CACNG6: variants seen among roughly 807,000 people sequenced by gnomAD.
CACNG6 encodes the protein calcium voltage-gated channel auxiliary subunit gamma 6, also known as voltage-dependent calcium channel gamma-6 subunit.
Under a neutral mutation model 23.9 loss-of-function variants are expected in CACNG6, and 21 were observed. That is an observed-to-expected ratio of 0.88 (90% CI 0.62 to 1.26). The LOEUF is 1.26. Ranked by LOEUF, CACNG6 falls within the 50% of genes most tolerant of loss-of-function variation. The pLI, the probability that CACNG6 is intolerant of heterozygous loss-of-function variation, is 0.00. For missense variants in CACNG6, 340 were observed against 352.9 expected, an observed-to-expected ratio of 0.96 and a Z score of 0.29; for synonymous variants, 182 against 168.9, an observed-to-expected ratio of 1.08 and a Z score of -0.60.
intron 3 of CACNG6, among the ~76,000 whole-genome samples, chr19:54,009,147 G>A (rs1448611110): frequency 6.6e-6 from 1 of 152,130 alleles, no homozygotes; most frequent in Non-Finnish European, 1.5e-5. Flanking sequence ...AAATTGCCGG[G>A]CGCGGTGGCT....
chr19:54,011,448 A>C (rs56226231), intron 3 of CACNG6, among the ~76,000 whole-genome samples: 15 of 137,792 alleles, frequency 1.1e-4, no homozygotes, highest in East Asian at 2.1e-4. Flanking sequence ...AAAAAAAAAA[A>C]AAAAACAAAA....
intron 3 of CACNG6, among the ~76,000 whole-genome samples, chr19:54,006,967 T>C (rs950374708): frequency 2.0e-5 from 3 of 151,964 alleles, no homozygotes; most frequent in African/African-American, 4.8e-5. Context: ...TTTTATCTCA[T>C]AAGGACACCA....
chr19:53,996,397 C>CTT (rs200138254), intron 1 of CACNG6, among the ~76,000 whole-genome samples: 9 of 112,172 alleles, frequency 8.0e-5, no homozygotes, highest in Admixed American at 1.0e-4. Flanking sequence ...TTCTCTCTCT[C>CTT]TCTTTTTTTT....
Position 54,003,630 on chromosome 19 carries a change from G to A in CACNG6, c.544+3859G>A, listed in dbSNP as rs148184284. ...CCTGCCTTGGCCTCCGAAAGTGCTG[G>A]GATTACAGGCATGAGCCACCCTGCC... On this transcript the variant is annotated intron_variant, in intron 3 of 3. Transcript: ENST00000252729. Among the ~76,000 whole-genome samples, 555 of 152,160 alleles carry A rather than the reference G, an allele frequency of 3.6e-3. 3 individuals are homozygous for A. The highest frequency in any genetic ancestry group is 0.017 in the Middle Eastern group (5 of 294).
intron 1 of CACNG6, among the ~76,000 whole-genome samples, chr19:53,993,998 C>T (rs1255924585): frequency 6.6e-6 from 1 of 151,998 alleles, no homozygotes; most frequent in East Asian, 1.9e-4. Flanking sequence ...CCTGTGCCCA[C>T]CCCAGACAGC....
chr19:54,004,683 C>A (rs1252072163), intron 3 of CACNG6, among the ~76,000 whole-genome samples: 6 of 152,146 alleles, frequency 3.9e-5, no homozygotes, highest in Non-Finnish European at 7.3e-5. Flanking sequence ...GCTCCGGCCA[C>A]GCCAGCCTCT....
chr19:54,009,562 G>T (rs2069682225), intron 3 of CACNG6, among the ~76,000 whole-genome samples: 1 of 152,090 alleles, frequency 6.6e-6, no homozygotes, highest in African/African-American at 2.4e-5. Flanking sequence ...GCTGCAATGA[G>T]CTGAGATCAT....
At chr19:54,005,010 G>C (rs1453389677) in intron 3 of CACNG6, among the ~76,000 whole-genome samples, 1 of 149,352 alleles carries the variant, frequency 6.7e-6, no homozygotes, top group Non-Finnish European at 1.5e-5. Flanking sequence ...AGGAGTTGGA[G>C]ACCAGCCTGA....
At chr19:54,009,356 GGTTGCAGTGAGCTGAGATCATGTCACTGC>G (rs199993983) in intron 3 of CACNG6, among the ~76,000 whole-genome samples, 12,044 of 150,708 alleles carry the variant, frequency 0.08, 641 homozygotes, top group Non-Finnish European at 0.11. Context: ...GGGAGGTGGA[GGTTGCAGTGAGCTGAGATCATGTCACTGC>G]GTTGCAGTGA....
intron 3 of CACNG6, among the ~76,000 whole-genome samples, chr19:54,011,711 G>T (rs1277243163): frequency 6.6e-6 from 1 of 150,508 alleles, no homozygotes; most frequent in East Asian, 2.0e-4. Flanking sequence ...TCTTCCCTCC[G>T]GCCCTCGGCA....
At chr19:53,998,164 G>A (rs1294422063) in intron 1 of CACNG6, 75 bp from the exon 2 acceptor site, 4 of 1,337,190 alleles carry the variant, frequency 3.0e-6, no homozygotes, top group Admixed American at 3.5e-5. Flanking sequence ...CCCGTGGGCT[G>A]TTAACTGTCC....
chr19:53,998,089 T>A (rs1185345911), intron 1 of CACNG6, 150 bp from the exon 2 acceptor site: 5 of 589,456 alleles, frequency 8.5e-6, no homozygotes, highest in Non-Finnish European at 1.2e-5. Flanking sequence ...CAGGTGGCTT[T>A]CACACCTCTG....
upstream of CACNG6, among the ~76,000 whole-genome samples, chr19:53,991,198 G>T (rs2069454772): frequency 6.6e-6 from 1 of 150,482 alleles, no homozygotes; most frequent in African/African-American, 2.5e-5. Context: ...AAGATTCTGG[G>T]TACCCAGGCC....
intron 3 of CACNG6, 84 bp downstream of exon 3, chr19:53,999,855 CTA>C: frequency 1.3e-6 from 2 of 1,520,224 alleles, no homozygotes; most frequent in Non-Finnish European, 8.9e-7. Flanking sequence ...GATGGGGTCT[CTA>C]TGCACTGTTG....
intron 2 of CACNG6, among the ~76,000 whole-genome samples, chr19:53,998,908 C>A (rs2069548524): frequency 6.6e-6 from 1 of 152,172 alleles, no homozygotes; most frequent in Admixed American, 6.5e-5. Context: ...GGACATCTCA[C>A]AAACCTGCAG....
intron 1 of CACNG6, among the ~76,000 whole-genome samples, chr19:53,995,860 C>CCAT (rs1203864049): frequency 9.2e-5 from 14 of 152,218 alleles, no homozygotes; most frequent in Non-Finnish European, 1.5e-4. Context: ...CGGGGTTTCA[C>CCAT]CATGTTGACG....
rs1236056716 is a variant in CACNG6, at chr19:54,006,517, C to CTTTTTTTTT, written c.545-5430_545-5429insTTTTTTTTT. On this transcript the variant is annotated intron_variant, in intron 3 of 3. Transcript: ENST00000252729. Reference sequence around the variant, plus strand: ...GGTCTGTGTCCCCAGTTCCTTCTTTCTTTTCTTTTTTTTTTTTTTTTTTTT... The same window carrying CTTTTTTTTT: ...GGTCTGTGTCCCCAGTTCCTTCTTTCTTTTTTTTTTTTTCTTTTTTTTTTTTTTTTTTTT... 1.8e-4 allele frequency among the ~76,000 whole-genome samples: 19 copies of CTTTTTTTTT among 107,332 alleles called. 1 individual carries two copies. The highest frequency in any genetic ancestry group is 3.0e-4 in the African/African-American group (8 of 26,584). The allele number at this position is 107,332 out of a possible 152,430, so 70.4% of individuals were successfully genotyped here. A position where few individuals can be genotyped will look rare whatever the true frequency, so the allele number is the denominator to read the frequency against.
intron 3 of CACNG6, among the ~76,000 whole-genome samples, chr19:54,006,517 C>CTTTTTTTTTTTTTTTTTTTTT (rs1236056716): frequency 1.6e-4 from 17 of 107,324 alleles, no homozygotes; most frequent in African/African-American, 6.0e-4. Context: ...TTCCTTCTTT[C>CTTTTTTTTTTTTTTTTTTTTT]TTTTCTTTTT....
rs1216490867 is a variant in CACNG6, at chr19:54,012,334, C to CCCCTTAT, written c.*148_*154dup. 1 of 468,222 alleles carries CCCCTTAT rather than the reference C, an allele frequency of 2.1e-6. No individual in the cohort carries two copies. Among genetic ancestry groups the CCCCTTAT allele is most frequent in the Admixed American group, 3.2e-5 (1 of 31,480 alleles). 29.0% of individuals were successfully genotyped at this position (468,222 alleles called of 1,614,324 possible). On this transcript the variant is annotated 3_prime_UTR_variant, in exon 4 of 4. Coordinates refer to ENST00000252729, the MANE Select transcript of CACNG6 (RefSeq NM_145814.2). Reference sequence around the variant, plus strand: ...GTTTTTTTACACGCCTGCCTCCTGTCCCCTTATCCTTTCTCCCTCTGTAAA... The same window carrying CCCCTTAT: ...GTTTTTTTACACGCCTGCCTCCTGTCCCCTTATCCCTTATCCTTTCTCCCTCTGTAAA...
Sources: allele counts gnomAD v4.1 joint callset (sites outside exome capture counted in the v4.1 genomes callset), GRCh38; gene constraint gnomAD v4.1.1; transcripts MANE v1.5; gene names NCBI Gene and HGNC (gene_info 2026-07-23, HGNC 2026-07-21).